ROBO2: variants seen among roughly 807,000 people sequenced by gnomAD.
ROBO2 encodes roundabout guidance receptor 2.
In ROBO2, 53 loss-of-function variants were observed where a neutral mutation model predicts 160.8. The observed-to-expected ratio is 0.33, with a 90% CI of 0.26 to 0.41. ROBO2 has a LOEUF of 0.41. Ranked by LOEUF, ROBO2 falls within the 10% of genes least tolerant of loss-of-function variation. The pLI, the probability that ROBO2 is intolerant of heterozygous loss-of-function variation, is 1.00. For synonymous variants in ROBO2, 664 were observed against 611.7 expected, an observed-to-expected ratio of 1.09 and a Z score of -1.26; for missense variants, 1,577 against 1,722.4, an observed-to-expected ratio of 0.92 and a Z score of 1.49.
At chr3:76,030,194 C>A (rs954398971) in intron 2 of ROBO2, among the ~76,000 whole-genome samples, 1 of 152,158 alleles carries the variant, frequency 6.6e-6, no homozygotes, top group Non-Finnish European at 1.5e-5. Flanking sequence ...ATATCCTTTG[C>A]CCACTTTTTG....
intron 2 of ROBO2, among the ~76,000 whole-genome samples, chr3:77,398,123 A>C (rs997659710): frequency 6.6e-6 from 1 of 152,120 alleles, no homozygotes; most frequent in African/African-American, 2.4e-5. Flanking sequence ...TACAATAATG[A>C]GATAACTAGG....
intron 2 of ROBO2, among the ~76,000 whole-genome samples, chr3:76,789,861 C>T (rs1321286503): frequency 6.6e-6 from 1 of 151,634 alleles, no homozygotes; most frequent in Non-Finnish European, 1.5e-5. Context: ...ACTTTTTATT[C>T]TACCATAGTT....
intron 2 of ROBO2, among the ~76,000 whole-genome samples, chr3:76,888,914 C>A (rs907312575): frequency 6.6e-6 from 1 of 152,190 alleles, no homozygotes; most frequent in Non-Finnish European, 1.5e-5. Context: ...GAATAATAAC[C>A]TTTAACACTA....
chr3:76,397,576 C>A (rs943543188), intron 2 of ROBO2, among the ~76,000 whole-genome samples: 2 of 151,840 alleles, frequency 1.3e-5, no homozygotes, highest in Non-Finnish European at 2.9e-5. Flanking sequence ...ACCTACTCAT[C>A]TGACAAAGGG....
At chr3:77,555,856 A>G (rs889538679) in intron 8 of ROBO2, among the ~76,000 whole-genome samples, 4 of 151,904 alleles carry the variant, frequency 2.6e-5, no homozygotes, top group Admixed American at 6.6e-5. Flanking sequence ...TCTTTCACCC[A>G]TAACATCCTT....
At chr3:76,858,132 C>T (rs1043851067) in intron 2 of ROBO2, among the ~76,000 whole-genome samples, 1 of 151,604 alleles carries the variant, frequency 6.6e-6, no homozygotes, top group African/African-American at 2.4e-5. Context: ...ACAGCACTCG[C>T]TAGTACACTC....
intron 2 of ROBO2, among the ~76,000 whole-genome samples, chr3:76,777,651 C>T (rs1195254010): frequency 6.7e-6 from 1 of 149,828 alleles, no homozygotes; most frequent in Non-Finnish European, 1.5e-5. Flanking sequence ...TTATTTCTTC[C>T]TAAAGTTTGA....
At chr3:76,693,258 A>G (rs921515081) in intron 2 of ROBO2, among the ~76,000 whole-genome samples, 3 of 110,584 alleles carry the variant, frequency 2.7e-5, no homozygotes, top group Non-Finnish European at 5.2e-5. Flanking sequence ...GTGTATATAC[A>G]TACATGTCTC....
chr3:77,176,377 C>T (rs1241643280), intron 2 of ROBO2, among the ~76,000 whole-genome samples: 1 of 151,924 alleles, frequency 6.6e-6, no homozygotes, highest in Admixed American at 6.6e-5. Flanking sequence ...CATTCAGGGT[C>T]TGTGTGGAAG....
intron 2 of ROBO2, among the ~76,000 whole-genome samples, chr3:77,288,939 C>A (rs191962795): frequency 6.6e-6 from 1 of 152,088 alleles, no homozygotes; most frequent in Admixed American, 6.6e-5. Context: ...ATTTACGGCA[C>A]CATGTGAGAC....
intron 2 of ROBO2, among the ~76,000 whole-genome samples, chr3:76,021,061 G>A (rs2066561471): frequency 6.6e-6 from 1 of 151,636 alleles, no homozygotes; most frequent in African/African-American, 2.4e-5. Context: ...ATGTTGACAG[G>A]AAGAGTTGTT....
At chr3:76,313,527 G>T (rs1171283250) in intron 2 of ROBO2, among the ~76,000 whole-genome samples, 1 of 152,170 alleles carries the variant, frequency 6.6e-6, no homozygotes, top group Non-Finnish European at 1.5e-5. Flanking sequence ...TGGGATGGGG[G>T]AGAATGAGTC....
chr3:76,862,789 A>G (rs1473210994), intron 2 of ROBO2, among the ~76,000 whole-genome samples: 1 of 152,256 alleles, frequency 6.6e-6, no homozygotes, highest in South Asian at 2.1e-4. Flanking sequence ...GAACCCTTTC[A>G]AAATCAATAT....
intron 2 of ROBO2, among the ~76,000 whole-genome samples, chr3:76,447,290 A>C (rs1429327555): frequency 6.6e-6 from 1 of 152,210 alleles, no homozygotes; most frequent in East Asian, 1.9e-4. Context: ...CACATGAAAA[A>C]ATGCTCATCA....
At chr3:76,404,271 G>A (rs1380340493) in intron 2 of ROBO2, among the ~76,000 whole-genome samples, 1 of 151,508 alleles carries the variant, frequency 6.6e-6, no homozygotes, top group Non-Finnish European at 1.5e-5. Context: ...AAGTGTGATT[G>A]GATTTTGCAG....
intron 2 of ROBO2, among the ~76,000 whole-genome samples, chr3:76,041,912 T>G: frequency 6.6e-6 from 1 of 151,836 alleles, no homozygotes; most frequent in East Asian, 1.9e-4. Context: ...GATGTCCTGT[T>G]TCTCTTGATC....
At chr3:76,625,421 C>T (rs2089563827) in intron 2 of ROBO2, among the ~76,000 whole-genome samples, 1 of 151,898 alleles carries the variant, frequency 6.6e-6, no homozygotes, top group African/African-American at 2.4e-5. Flanking sequence ...ACAACACAGC[C>T]AGATGTCATT....
chr3:76,654,999 AT>A (rs2091438109), intron 2 of ROBO2, among the ~76,000 whole-genome samples: 1 of 150,060 alleles, frequency 6.7e-6, no homozygotes, highest in African/African-American at 2.4e-5. Context: ...TATTCACTTG[AT>A]TTCACAACAG....
chr3:75,907,663 T>C (rs1946405337), intron 1 of ROBO2, among the ~76,000 whole-genome samples: 1 of 152,176 alleles, frequency 6.6e-6, no homozygotes, highest in South Asian at 2.1e-4. Context: ...TGACAGGAAA[T>C]ATTTCTTTTG....
Sources: gnomAD v4.1 joint callset for allele counts (sites outside exome capture counted in the v4.1 genomes callset) on GRCh38, gnomAD v4.1.1 for gene constraint, MANE v1.5 for transcripts, NCBI Gene and HGNC (gene_info 2026-07-23, HGNC 2026-07-21) for gene names.